Variants in DGKI observed in about 807,000 individuals in gnomAD.
The protein encoded by DGKI is DAG kinase iota.
A neutral mutation model predicts 147.5 loss-of-function variants in DGKI; 55 were observed. That is an observed-to-expected ratio of 0.37 (90% CI 0.30 to 0.47). The LOEUF (loss-of-function observed/expected upper bound fraction) is 0.47, where lower values mean the gene tolerates loss of function less well. Ranked by LOEUF, DGKI falls within the 20% of genes least tolerant of loss-of-function variation. The probability of loss-of-function intolerance (pLI) is 1.00; values close to 1 mark genes in which losing one functional copy is unlikely to be tolerated. For missense variants in DGKI, 1,007 were observed against 1,323.8 expected, an observed-to-expected ratio of 0.76 and a Z score of 3.71; for synonymous variants, 469 against 477.1, an observed-to-expected ratio of 0.98 and a Z score of 0.22.
intron 1 of DGKI, among the ~76,000 whole-genome samples, chr7:137,756,642 C>T (rs1467672921): frequency 6.6e-6 from 1 of 152,270 alleles, no homozygotes; most frequent in South Asian, 2.1e-4. Flanking sequence ...CCATGCAGTG[C>T]TGTTCTTAAA....
chr7:137,743,876 G>A (rs185792638), intron 1 of DGKI, among the ~76,000 whole-genome samples: 2,851 of 151,816 alleles, frequency 0.019, 87 homozygotes, highest in African/African-American at 0.064. Flanking sequence ...CCAGCTACTC[G>A]GGAGGCTGAG....
chr7:137,659,283 C>G (rs1207623677), intron 3 of DGKI, among the ~76,000 whole-genome samples: 1 of 152,052 alleles, frequency 6.6e-6, no homozygotes, highest in Admixed American at 6.6e-5. Flanking sequence ...GGTCTTTTGC[C>G]ATAGTAGAAA....
intron 6 of DGKI, among the ~76,000 whole-genome samples, chr7:137,639,833 C>A (rs1191837296): frequency 1.3e-5 from 2 of 151,918 alleles, no homozygotes; most frequent in Non-Finnish European, 2.9e-5. Flanking sequence ...ATCCTCTTTT[C>A]TTTTAAAAAA....
intron 3 of DGKI, among the ~76,000 whole-genome samples, chr7:137,667,278 T>C (rs1822671929): frequency 6.6e-6 from 1 of 152,214 alleles, no homozygotes; most frequent in African/African-American, 2.4e-5. Flanking sequence ...CCTACACACA[T>C]ACACACCCAT....
intron 28 of DGKI, among the ~76,000 whole-genome samples, chr7:137,422,181 G>A (rs1040142120): frequency 1.3e-5 from 2 of 152,118 alleles, no homozygotes; most frequent in African/African-American, 4.8e-5. Flanking sequence ...AATTTGCTTT[G>A]AGCACTGGGT....
At chr7:137,498,555 A>G in intron 21 of DGKI, among the ~76,000 whole-genome samples, 1 of 152,156 alleles carries the variant, frequency 6.6e-6, no homozygotes, top group East Asian at 1.9e-4. Flanking sequence ...AAACCAGATT[A>G]TATACAAAGG....
intron 20 of DGKI, among the ~76,000 whole-genome samples, chr7:137,552,125 G>A (rs538532160): frequency 6.6e-6 from 1 of 152,158 alleles, no homozygotes; most frequent in Non-Finnish European, 1.5e-5. Flanking sequence ...TTCTCAAGTG[G>A]TCAGTGAAGA....
At chr7:137,716,087 G>A (rs967295715) in intron 1 of DGKI, among the ~76,000 whole-genome samples, 1 of 152,156 alleles carries the variant, frequency 6.6e-6, no homozygotes, top group Non-Finnish European at 1.5e-5. Flanking sequence ...CTAGGAAGGA[G>A]GTCACAGACA....
At chr7:137,552,729 C>T (rs983210315) in intron 19 of DGKI, among the ~76,000 whole-genome samples, 161 bp from the exon 20 acceptor site, 2 of 149,210 alleles carry the variant, frequency 1.3e-5, no homozygotes, top group African/African-American at 2.5e-5. Flanking sequence ...GCCAACATGG[C>T]GAGACCCGGT....
At chr7:137,788,643 CACACACACACACACACACACAT>C (rs1158824044) in intron 1 of DGKI, among the ~76,000 whole-genome samples, 5 of 66,064 alleles carry the variant, frequency 7.6e-5, no homozygotes, top group African/African-American at 3.4e-4. Context: ...AATACACACA[CACACACACACACACACACACAT>C]ACACACACAC....
Position 137,619,648 on chromosome 7 carries a change from C to A in DGKI, c.993+176G>T, listed in dbSNP as rs79415569. ...TGGGGAGGCTGGTTCCATGAGAGAG[C>A]CCAAAGTGGGAAAGAGATGGGCCAA... On this transcript the variant is annotated intron_variant, in intron 8 of 32. Transcript: ENST00000614521. 4.9e-3 allele frequency among the ~76,000 whole-genome samples: 742 copies of A among 152,216 alleles called. 4 individuals carry two copies. The highest frequency in any genetic ancestry group is 0.017 in the South Asian group (82 of 4,810).
In DGKI at chr7:137,732,260, T is replaced by C. The variant is rs3800641; in HGVS notation, c.402-42258A>G. Among the ~76,000 whole-genome samples, 6 of 152,208 alleles carry C rather than the reference T, an allele frequency of 3.9e-5. No individual in the cohort carries two copies. In the East Asian group the frequency reaches 1.2e-3, roughly 29 times the overall value. On this transcript the variant is annotated intron_variant, in intron 1 of 32. Coordinates refer to ENST00000614521, the MANE Select transcript of DGKI (RefSeq NM_001321708.2). Reference sequence around the variant, plus strand: ...TATAGGTAGGTATTCAATGAAAATGTATTAAATTGAGTTTCCCCATGTTGC... The same window carrying C: ...TATAGGTAGGTATTCAATGAAAATGCATTAAATTGAGTTTCCCCATGTTGC...
rs777860947 is a variant in DGKI at position 137,407,860 on chromosome 7, A to T, written c.2920+15T>A. ...CAGGTAAGTGATCCTTGGTAAGTTC[A>T]CTATGCCTACTTACCGTGGTCAAGG... On this transcript the variant is annotated intron_variant, in intron 30 of 32. Coordinates refer to ENST00000614521, the MANE Select transcript of DGKI (RefSeq NM_001321708.2). 1 of 1,613,492 alleles carries T rather than the reference A, an allele frequency of 6.2e-7. No individual in the cohort carries two copies. The highest frequency in any genetic ancestry group is 1.3e-5 in the African/African-American group (1 of 75,032).
chr7:137,643,490 C>G (rs1343140549), intron 6 of DGKI, among the ~76,000 whole-genome samples: 1 of 152,092 alleles, frequency 6.6e-6, no homozygotes, highest in East Asian at 1.9e-4. Context: ...GGCAAGGAGA[C>G]AATCCCACCC....
intron 20 of DGKI, among the ~76,000 whole-genome samples, chr7:137,531,027 G>A (rs1696727351): frequency 6.6e-6 from 1 of 152,084 alleles, no homozygotes. Flanking sequence ...GTATTTTAAG[G>A]TAGGAATTTT....
At chr7:137,753,986 G>T (rs1191748558) in intron 1 of DGKI, among the ~76,000 whole-genome samples, 1 of 152,054 alleles carries the variant, frequency 6.6e-6, no homozygotes, top group East Asian at 1.9e-4. Context: ...AGCGTGGAGG[G>T]GGAGGAGAAG....
At chr7:137,564,084 G>A (rs1163682443) in intron 19 of DGKI, among the ~76,000 whole-genome samples, 1 of 152,056 alleles carries the variant, frequency 6.6e-6, no homozygotes. Flanking sequence ...CAATGGAACA[G>A]AATAGAATCT....
At chr7:137,742,427 G>C (rs1203457986) in intron 1 of DGKI, among the ~76,000 whole-genome samples, 1 of 152,182 alleles carries the variant, frequency 6.6e-6, no homozygotes, top group Admixed American at 6.5e-5. Context: ...CAGAAACAGA[G>C]CCTTAATTAA....
chr7:137,491,099 C>T (rs1815746122), intron 21 of DGKI, among the ~76,000 whole-genome samples: 1 of 152,088 alleles, frequency 6.6e-6, no homozygotes, highest in South Asian at 2.1e-4. Context: ...AATCCTAAAC[C>T]ACTAGTGGGT....
Sources: gnomAD v4.1 joint callset for allele counts (sites outside exome capture counted in the v4.1 genomes callset) on GRCh38, gnomAD v4.1.1 for gene constraint, MANE v1.5 for transcripts, NCBI Gene and HGNC (gene_info 2026-07-23, HGNC 2026-07-21) for gene names.